The following IQSEC1 variants were observed in gnomAD, a reference collection of about 807,000 sequenced individuals.
IQSEC1 encodes the protein IQ motif and Sec7 domain ArfGEF 1.
A neutral mutation model predicts 91.0 loss-of-function variants in IQSEC1; 31 were observed. The observed-to-expected ratio is 0.34, with a 90% confidence interval of 0.26 to 0.46. IQSEC1 has a LOEUF of 0.46. Among genes scored for constraint, IQSEC1 ranks in the 20% least tolerant of loss-of-function variants. The probability of loss-of-function intolerance (pLI) is 1.00; values close to 1 mark genes in which losing one functional copy is unlikely to be tolerated. For synonymous variants in IQSEC1, 699 were observed against 662.6 expected, an observed-to-expected ratio of 1.05 and a Z score of -0.84; for missense variants, 1,388 against 1,575.6, an observed-to-expected ratio of 0.88 and a Z score of 2.02.
intron 1 of IQSEC1, among the ~76,000 whole-genome samples, chr3:13,178,596 G>T (rs901273731): frequency 6.6e-6 from 1 of 152,224 alleles, no homozygotes; most frequent in East Asian, 1.9e-4. Flanking sequence ...AGAGCAGTAA[G>T]CCCCCTGGGG....
exon 1 of IQSEC1, among the ~76,000 whole-genome samples, chr3:13,283,205 C>A (rs1332759545): frequency 2.7e-5 from 4 of 147,578 alleles, no homozygotes; most frequent in Middle Eastern, 3.5e-3. Flanking sequence ...CGCGCCGGGG[C>A]GGCAGGGCGC....
Position 12,935,332 on chromosome 3 carries a change from G to T in IQSEC1, c.1568+116C>A. 1 of 1,023,330 alleles carries T rather than the reference G, an allele frequency of 9.8e-7. No homozygotes were observed. The highest frequency in any genetic ancestry group is 1.4e-6 in the Non-Finnish European group (1 of 697,786). 63.4% of individuals were successfully genotyped at this position (1,023,330 alleles called of 1,614,324 possible). On this transcript the variant is annotated intron_variant, in intron 3 of 13. Coordinates refer to ENST00000613206, the MANE Select transcript of IQSEC1 (RefSeq NM_001134382.3). This position sits in a 1 kb window ranked among gnomAD's most constrained non-coding sequence, Gnocchi z 8.0. ...CCGACCTTGTGTGGCAGCTTCCTATGCTCATAGGCCACGGTGGACCTCAAG... is the reference window on the plus strand; with the variant it reads ...CCGACCTTGTGTGGCAGCTTCCTATTCTCATAGGCCACGGTGGACCTCAAG...
chr3:12,974,278 C>T (rs1701049627), intron 1 of IQSEC1, among the ~76,000 whole-genome samples: 1 of 152,196 alleles, frequency 6.6e-6, no homozygotes, highest in African/African-American at 2.4e-5. Flanking sequence ...CCCTCCAAGC[C>T]CGGATCCCCA....
intron 9 of IQSEC1, 132 bp from the exon 10 acceptor site, chr3:12,911,860 A>C (rs1369104046): frequency 1.5e-6 from 1 of 688,676 alleles, no homozygotes; most frequent in African/African-American, 1.8e-5. Context: ...AGTGGAGGGC[A>C]TGGGCTTCCA....
Position 13,030,001 on chromosome 3 carries a change from G to T in IQSEC1, c.23+42991C>A, listed in dbSNP as rs114222250. Among the ~76,000 whole-genome samples, 456 of 152,108 alleles carry T rather than the reference G, an allele frequency of 3.0e-3. 2 individuals carry two copies. Among genetic ancestry groups the T allele is most frequent in the African/African-American group, 0.011 (437 of 41,530 alleles). On this transcript the variant is annotated intron_variant, in intron 1 of 13. Transcript: ENST00000613206. ...TTTATTTATTTTGAGATGAGGTCTCGCTACATTAACCAGACTGGTCTTGAA... is the reference window on the plus strand; with the variant it reads ...TTTATTTATTTTGAGATGAGGTCTCTCTACATTAACCAGACTGGTCTTGAA...
chr3:12,943,083 C>T (rs752045273), intron 1 of IQSEC1, among the ~76,000 whole-genome samples: 12 of 152,230 alleles, frequency 7.9e-5, no homozygotes, highest in Non-Finnish European at 1.5e-4. Flanking sequence ...AAGCAGTCTA[C>T]AAAGAGGAAT....
At chr3:13,176,734 C>T (rs924035681) in intron 1 of IQSEC1, among the ~76,000 whole-genome samples, 3 of 152,190 alleles carry the variant, frequency 2.0e-5, no homozygotes, top group South Asian at 2.1e-4. Flanking sequence ...ACCTGCCTGC[C>T]GGGAACAGGC....
chr3:13,265,906 T>G, intron 1 of IQSEC1, among the ~76,000 whole-genome samples: 3 of 108,166 alleles, frequency 2.8e-5, no homozygotes, highest in Non-Finnish European at 3.7e-5. Context: ...AAAAAAAAGA[T>G]GCTTTATTGC....
chr3:13,232,665 A>G (rs1694857634), intron 1 of IQSEC1, among the ~76,000 whole-genome samples: 1 of 152,244 alleles, frequency 6.6e-6, no homozygotes. Context: ...CCACAGCCTC[A>G]TGGGCTACAC....
chr3:13,081,488 C>G (rs757789743), intron 2 of IQSEC1, among the ~76,000 whole-genome samples: 10 of 152,170 alleles, frequency 6.6e-5, no homozygotes, highest in Non-Finnish European at 1.3e-4. Flanking sequence ...GGGCTGGTCT[C>G]AAGCTCCTGG....
In IQSEC1 at chr3:13,052,984, T is replaced by C. The variant is rs1704744154; in HGVS notation, c.23+20008A>G. ...GCAATTCTTTATAGACCCAGCTTGG[T>C]TCTTCTCCAATGTCTCCTTTTGGAG... On this transcript the variant is annotated intron_variant, in intron 1 of 13. Coordinates refer to ENST00000613206, the MANE Select transcript of IQSEC1 (RefSeq NM_001134382.3). The C allele has an allele frequency of 3.4e-6, 4 of 1,189,776 alleles. No homozygotes were observed. The East Asian group carries it at 9.4e-5, about 28-fold the overall frequency. 73.7% of individuals were successfully genotyped at this position (1,189,776 alleles called of 1,614,324 possible).
chr3:13,181,276 AACAAACAAAC>A, intron 1 of IQSEC1, among the ~76,000 whole-genome samples: 1 of 16,686 alleles, frequency 6.0e-5, no homozygotes, highest in Non-Finnish European at 1.6e-4. Context: ...GTCTCAAACA[AACAAACAAAC>A]AAACAAACAA....
At chr3:12,912,007 G>GT (rs1393606587) in intron 9 of IQSEC1, among the ~76,000 whole-genome samples, 2 of 152,248 alleles carry the variant, frequency 1.3e-5, no homozygotes, top group Non-Finnish European at 2.9e-5. Flanking sequence ...TCACAGCCAG[G>GT]TGAGGTGTAC....
intron 1 of IQSEC1, among the ~76,000 whole-genome samples, chr3:13,044,986 G>A (rs1418835225): frequency 6.6e-6 from 1 of 152,264 alleles, no homozygotes; most frequent in Non-Finnish European, 1.5e-5. Flanking sequence ...ACCCTCATCT[G>A]TGAAAGGGGA....
chr3:13,179,197 C>G (rs1693791379), intron 1 of IQSEC1, among the ~76,000 whole-genome samples: 1 of 152,196 alleles, frequency 6.6e-6, no homozygotes, highest in Non-Finnish European at 1.5e-5. Flanking sequence ...GTTGTTGGCT[C>G]TCTGTGAGGT....
chr3:13,080,867 C>A (rs767132864), intron 2 of IQSEC1, among the ~76,000 whole-genome samples: 1 of 152,156 alleles, frequency 6.6e-6, no homozygotes, highest in Non-Finnish European at 1.5e-5. Flanking sequence ...AATACAAGAA[C>A]AACATTCTTA....
At chr3:13,074,600 AG>A (rs755188735), upstream of IQSEC1, among the ~76,000 whole-genome samples, 1 of 152,232 alleles carries the variant, frequency 6.6e-6, no homozygotes, top group Non-Finnish European at 1.5e-5. Context: ...AGCGCATTAA[AG>A]CCAGAGGTTC....
rs1698676173 is a variant in IQSEC1, at chr3:12,940,795, A to G, written c.318+776T>C. Among the ~76,000 whole-genome samples, 1 of 152,152 alleles carries G rather than the reference A, an allele frequency of 6.6e-6. No individual in the cohort carries two copies. The highest frequency in any genetic ancestry group is 1.5e-5 in the Non-Finnish European group (1 of 68,002). ...GTGCAGTCACTCAGATCCTCATTCA[A>G]ACACCTACTGTGCACCTGCACTTGG... On this transcript the variant is annotated intron_variant, in intron 2 of 13. Transcript: ENST00000613206. This position sits in a 1 kb window ranked among gnomAD's most constrained non-coding sequence, Gnocchi z 4.4.
chr3:13,062,198 GCTTCCCTTCC>G (rs200457545), intron 1 of IQSEC1, among the ~76,000 whole-genome samples: 1 of 152,118 alleles, frequency 6.6e-6, no homozygotes, highest in Non-Finnish European at 1.5e-5. Flanking sequence ...TTACAGCCCA[GCTTCCCTTCC>G]CTTCCCTTCC....
Sources: allele counts gnomAD v4.1 joint callset (sites outside exome capture counted in the v4.1 genomes callset), GRCh38; gene constraint gnomAD v4.1.1; non-coding constraint Gnocchi (gnomAD v3.1); transcripts MANE v1.5; gene names NCBI Gene and HGNC (gene_info 2026-07-23, HGNC 2026-07-21).